The following CCDC169 variants were observed in gnomAD, a reference collection of about 807,000 sequenced individuals.
CCDC169 encodes the protein coiled-coil domain containing 169.
In CCDC169, 30 loss-of-function variants were observed where a neutral mutation model predicts 36.0. That is an observed-to-expected ratio of 0.83 (90% CI 0.62 to 1.13). The LOEUF (loss-of-function observed/expected upper bound fraction) is 1.13. Among genes scored for constraint, CCDC169 ranks in the 50% most tolerant of loss-of-function variants. The probability of loss-of-function intolerance (pLI) is 0.00; values close to 1 mark genes in which losing one functional copy is unlikely to be tolerated. For missense variants in CCDC169, 245 were observed against 245.9 expected, an observed-to-expected ratio of 1.00 and a Z score of 0.03; for synonymous variants, 85 against 81.5, an observed-to-expected ratio of 1.04 and a Z score of -0.23.
chr13:36,275,450 G>A (rs993744024), intron 4 of CCDC169, among the ~76,000 whole-genome samples: 1 of 152,122 alleles, frequency 6.6e-6, no homozygotes, highest in Non-Finnish European at 1.5e-5. Context: ...TTGAAGCTAT[G>A]TACCTATCAA....
chr13:36,232,641 C>A (rs1462765941), intron 7 of CCDC169, among the ~76,000 whole-genome samples: 1 of 57,904 alleles, frequency 1.7e-5, no homozygotes, highest in Non-Finnish European at 4.9e-5. Flanking sequence ...ACTAAGAATA[C>A]AAAAAAAGAT....
chr13:36,286,691 T>C (rs1878298206), intron 2 of CCDC169, among the ~76,000 whole-genome samples: 1 of 152,114 alleles, frequency 6.6e-6, no homozygotes, highest in Admixed American at 6.5e-5. Flanking sequence ...CCTACTCTTC[T>C]CAGCCAAAAC....
downstream of CCDC169, chr13:36,230,724 T>C (rs150424547): frequency 3.4e-5 from 33 of 974,628 alleles, 1 homozygote; most frequent in African/African-American, 5.6e-4. Context: ...TTGAAGGTTG[T>C]TCTACGATAC....
intron 4 of CCDC169, among the ~76,000 whole-genome samples, chr13:36,270,617 A>C (rs1875919194): frequency 6.6e-6 from 1 of 152,172 alleles, no homozygotes; most frequent in Admixed American, 6.5e-5. Context: ...AAATAAAACC[A>C]AATACTTACA....
At chr13:36,222,370 TATGTAAAAACAGAA>T (rs1869659021), downstream of CCDC169, 1 of 152,154 alleles carries the variant, frequency 6.6e-6, no homozygotes, top group Non-Finnish European at 1.5e-5. Flanking sequence ...AGCTAACAGA[TATGTAAAAACAGAA>T]TTCCAGAAAT....
chr13:36,226,423 A>G (rs1315351456), downstream of CCDC169: 2 of 152,204 alleles, frequency 1.3e-5, no homozygotes, highest in East Asian at 1.9e-4. Flanking sequence ...ACAATTCACA[A>G]GAGTTCGTGC....
At chr13:36,265,655 T>C (rs890839232) in intron 4 of CCDC169, among the ~76,000 whole-genome samples, 1 of 152,222 alleles carries the variant, frequency 6.6e-6, no homozygotes, top group African/African-American at 2.4e-5. Flanking sequence ...GGATAAGAGA[T>C]GTTTTTGATT....
At chr13:36,254,275 C>CT (rs1368470201) in intron 4 of CCDC169, 132 bp from the exon 5 acceptor site, 10,697 of 364,154 alleles carry the variant, frequency 0.029, 21 homozygotes, top group Middle Eastern at 0.042. Context: ...ATGATATGTA[C>CT]TTTTTTTTTT....
chr13:36,245,457 C>T (rs1594012699), intron 7 of CCDC169, among the ~76,000 whole-genome samples: 1 of 148,262 alleles, frequency 6.7e-6, no homozygotes, highest in East Asian at 2.0e-4. Flanking sequence ...CACCATCACA[C>T]CCAGTCAATT....
At chr13:36,289,407 C>G (rs2138637796) in intron 2 of CCDC169, among the ~76,000 whole-genome samples, 1 of 152,326 alleles carries the variant, frequency 6.6e-6, no homozygotes, top group East Asian at 1.9e-4. Context: ...ATTCTGTACT[C>G]TTGGCTTTCT....
intron 4 of CCDC169, among the ~76,000 whole-genome samples, chr13:36,275,448 A>G (rs1357151819): frequency 1.2e-4 from 18 of 152,184 alleles, no homozygotes; most frequent in Admixed American, 1.2e-3. Context: ...ATTTGAAGCT[A>G]TGTACCTATC....
chr13:36,254,660 C>CT (rs1873616139), intron 4 of CCDC169, among the ~76,000 whole-genome samples: 1 of 152,128 alleles, frequency 6.6e-6, no homozygotes, highest in African/African-American at 2.4e-5. Flanking sequence ...AAGTGTTTTT[C>CT]TTTTTTTCAT....
At chr13:36,268,039 T>C (rs1219686768) in intron 4 of CCDC169, among the ~76,000 whole-genome samples, 1 of 152,102 alleles carries the variant, frequency 6.6e-6, no homozygotes, top group African/African-American at 2.4e-5. Context: ...AAGACTTCAA[T>C]ACACCACTGA....
chr13:36,256,334 G>C (rs1453308953), intron 4 of CCDC169, among the ~76,000 whole-genome samples: 1 of 152,178 alleles, frequency 6.6e-6, no homozygotes, highest in Non-Finnish European at 1.5e-5. Flanking sequence ...CTGACTCATG[G>C]TTCTGCATGG....
chr13:36,226,879 C>A, downstream of CCDC169: 1 of 362,348 alleles, frequency 2.8e-6, no homozygotes, highest in Non-Finnish European at 4.9e-6. Context: ...TTATTTGTGC[C>A]CCAAATCTCA....
At chr13:36,251,120 T>C (rs1025718166) in intron 6 of CCDC169, among the ~76,000 whole-genome samples, 1 of 152,206 alleles carries the variant, frequency 6.6e-6, no homozygotes, top group African/African-American at 2.4e-5. Context: ...ATCAGAAGAC[T>C]CCCAAGAGGG....
chr13:36,262,162 T>C (rs950105973), intron 4 of CCDC169, among the ~76,000 whole-genome samples: 1 of 152,096 alleles, frequency 6.6e-6, no homozygotes, highest in African/African-American at 2.4e-5. Flanking sequence ...ATGTTAACAA[T>C]TAAACCTCCT....
intron 4 of CCDC169, 120 bp downstream of exon 4, chr13:36,283,349 G>T: frequency 1.0e-6 from 1 of 953,104 alleles, no homozygotes; most frequent in South Asian, 1.7e-5. Context: ...CAGATCCCTT[G>T]AACAAAACAG....
intron 4 of CCDC169, among the ~76,000 whole-genome samples, chr13:36,279,401 T>C (rs1877233888): frequency 6.6e-6 from 1 of 152,232 alleles, no homozygotes; most frequent in South Asian, 2.1e-4. Context: ...ACTGTAGAGC[T>C]GGGGTGTCTT....
Sources: allele counts gnomAD v4.1 joint callset (sites outside exome capture counted in the v4.1 genomes callset), GRCh38; gene constraint gnomAD v4.1.1; transcripts MANE v1.5; gene names NCBI Gene and HGNC (gene_info 2026-07-23, HGNC 2026-07-21).